SYNE1: variants seen among roughly 807,000 people sequenced by gnomAD.
SYNE1 encodes nesprin-1.
A neutral mutation model predicts 1,111.0 loss-of-function variants in SYNE1; 616 were observed. The ratio of observed to expected loss-of-function variants is 0.55; its 90% CI spans 0.52 to 0.59. SYNE1 has a LOEUF of 0.59. Among genes scored for constraint, SYNE1 ranks in the 20% least tolerant of loss-of-function variants. SYNE1 has a pLI of 0.00. For missense variants in SYNE1, 10,006 were observed against 10,417.0 expected (o/e 0.96, Z 1.72); for synonymous variants, 3,855 against 3,825.8 (o/e 1.01, Z -0.28).
intron 100 of SYNE1, among the ~76,000 whole-genome samples, chr6:152,266,539 CAACA>C (rs1375454883): frequency 3.3e-5 from 5 of 152,200 alleles, no homozygotes; most frequent in African/African-American, 9.6e-5. Context: ...GCATGATACA[CAACA>C]GACAGTTTTT....
intron 3 of SYNE1, among the ~76,000 whole-genome samples, chr6:152,591,908 GTA>G (rs2099568094): frequency 6.6e-6 from 1 of 152,100 alleles, no homozygotes; most frequent in African/African-American, 2.4e-5. Context: ...TAGCCAACAA[GTA>G]TATAAGAAAT....
intron 115 of SYNE1, among the ~76,000 whole-genome samples, chr6:152,228,488 A>C (rs1204988551): frequency 6.6e-6 from 1 of 152,242 alleles, no homozygotes; most frequent in Non-Finnish European, 1.5e-5. Flanking sequence ...AAGAAACAAA[A>C]TGGAAAATGG....
In SYNE1 at chr6:152,232,127, G is replaced by T; in HGVS notation, c.20851C>A (p.Gln6951Lys). The T allele has an allele frequency of 6.4e-7, 1 of 1,572,228 alleles. No individual in the cohort carries two copies. The highest frequency in any genetic ancestry group is 8.8e-7 in the Non-Finnish European group (1 of 1,142,806). The change falls in exon 113 of 146, where the codon CAG (glutamine) becomes AAG (lysine). Residue 6951 changes from glutamine to lysine, a missense_variant. By Grantham distance (53) the Gln-to-Lys change is moderately conservative. Transcript: ENST00000367255. ...AAAATTTTAATTACCTTATATTTCT[G>T]AAGGTATTCATGAATTGCCTTGTAA... ...IGYKAIHEYL[Q>K]KYKGFKIDIN...
chr6:152,297,931 G>A (rs528419584), intron 93 of SYNE1, among the ~76,000 whole-genome samples: 117 of 151,802 alleles, frequency 7.7e-4, no homozygotes, highest in African/African-American at 2.8e-3. Context: ...ATTTATTTGA[G>A]GTACATACAT....
chr6:152,195,810 C>T (rs191064047), intron 127 of SYNE1, among the ~76,000 whole-genome samples: 15 of 134,230 alleles, frequency 1.1e-4, no homozygotes, highest in African/African-American at 4.2e-4. Context: ...GTAACCACTA[C>T]TTGGCTACTC....
chr6:152,335,701 T>C (rs1004463143), intron 76 of SYNE1: 43 of 152,170 alleles, frequency 2.8e-4, no homozygotes, highest in African/African-American at 1.0e-3. Context: ...TTTTTTCCCT[T>C]TTTTTTGAGA....
rs1311788646 is a variant in SYNE1 at position 152,149,602 on chromosome 6, G to T, written c.24517C>A (p.Leu8173Met). 1.9e-6 allele frequency: 3 copies of T among 1,613,942 alleles called. No individual in the cohort carries two copies. The highest frequency in any genetic ancestry group is 1.7e-6 in the Non-Finnish European group (2 of 1,180,030). Residue 8173 changes from leucine to methionine, a missense_variant, in exon 136 of 146, where the codon CTG (leucine) becomes ATG (methionine). Physicochemically the swap from Leu to Met is conservative, Grantham distance 15. Transcript: ENST00000367255. ...TCCAAGGGCTCACTCTTTTCTATCA[G>T]CTGTTCTCCTTGGGCAATTATCTGC... ...IEQIIAQGEQ[L>M]IEKSEPLDAA...
At chr6:152,453,109 A>G (rs951886794) in intron 25 of SYNE1, among the ~76,000 whole-genome samples, 1 of 152,198 alleles carries the variant, frequency 6.6e-6, no homozygotes, top group East Asian at 1.9e-4. Context: ...CTTGGGGGGA[A>G]GAGGGGTATG....
intron 38 of SYNE1, among the ~76,000 whole-genome samples, chr6:152,425,941 G>A (rs540055524): frequency 5.3e-5 from 8 of 152,278 alleles, no homozygotes; most frequent in South Asian, 2.1e-4. Flanking sequence ...AACTATTGCC[G>A]GAGAGACTCA....
intron 78 of SYNE1, among the ~76,000 whole-genome samples, chr6:152,328,557 C>A (rs9371249): frequency 0.11 from 16,695 of 151,380 alleles, 1,400 homozygotes; most frequent in East Asian, 0.51. Flanking sequence ...AGGTATGCAC[C>A]ACCAAACCCA....
chr6:152,352,549 C>A (rs1003882688), intron 69 of SYNE1, among the ~76,000 whole-genome samples, 196 bp from the exon 70 acceptor site: 1 of 151,944 alleles, frequency 6.6e-6, no homozygotes, highest in South Asian at 2.1e-4. Flanking sequence ...ACTACAGGTG[C>A]GTGCCACCAT....
At position 152,234,795 on chromosome 6, in the gene SYNE1, T is replaced by A; in HGVS notation, c.20402A>T (p.Gln6801Leu). 6.2e-7 allele frequency: 1 copy of A among 1,614,124 alleles called. No homozygotes were observed. ...GTGAATTAGATCTGCAGATTCACTTTGATATCTGTTAAGTATATTATGGAG... is the reference window on the plus strand; with the variant it reads ...GTGAATTAGATCTGCAGATTCACTTAGATATCTGTTAAGTATATTATGGAG... ...ETILKHWTRY[Q>L]SESADLIHWL... Residue 6801 changes from glutamine to leucine, a missense_variant, in exon 111 of 146, where the codon CAA becomes CTA. Gln to Leu is a moderately radical substitution (Grantham distance 113). Transcript: ENST00000367255.
intron 39 of SYNE1, among the ~76,000 whole-genome samples, chr6:152,423,626 GAACAGGGCATTCCCTGTCCTTA>G (rs2154192414): frequency 6.6e-6 from 1 of 152,256 alleles, no homozygotes; most frequent in East Asian, 1.9e-4. Flanking sequence ...GATTTCAAGT[GAACAGGGCATTCCCTGTCCTTA>G]AACACTAGGT....
At chr6:152,305,558 C>G (rs565435207) in intron 91 of SYNE1, among the ~76,000 whole-genome samples, 4 of 152,124 alleles carry the variant, frequency 2.6e-5, no homozygotes, top group South Asian at 4.2e-4. Flanking sequence ...GCCACCACAC[C>G]TGGCCGAAAA....
intron 3 of SYNE1, among the ~76,000 whole-genome samples, chr6:152,560,146 A>G (rs1188514775): frequency 6.6e-6 from 1 of 152,178 alleles, no homozygotes; most frequent in East Asian, 1.9e-4. Context: ...TGAGGTCAGG[A>G]GTTCAAGACC....
chr6:152,377,859 G>A (rs1195485460), intron 56 of SYNE1, among the ~76,000 whole-genome samples: 1 of 151,576 alleles, frequency 6.6e-6, no homozygotes, highest in East Asian at 1.9e-4. Flanking sequence ...TGGATTCTGG[G>A]ACCCAAGTCC....
At chr6:152,465,903 T>A (rs2098763327) in intron 17 of SYNE1, 79 bp downstream of exon 17, 1 of 1,041,356 alleles carries the variant, frequency 9.6e-7, no homozygotes, top group African/African-American at 1.6e-5. Context: ...ACAGAAAGAA[T>A]GATCTGATCA....
At chr6:152,375,437 T>C (rs1223996306) in intron 58 of SYNE1, among the ~76,000 whole-genome samples, 1 of 152,172 alleles carries the variant, frequency 6.6e-6, no homozygotes, top group African/African-American at 2.4e-5. Flanking sequence ...GAAACTCAAA[T>C]TTCATAACCA....
intron 11 of SYNE1, among the ~76,000 whole-genome samples, chr6:152,496,889 A>T (rs992547253): frequency 6.6e-6 from 1 of 152,004 alleles, no homozygotes; most frequent in Non-Finnish European, 1.5e-5. Context: ...CCTGCCCCAC[A>T]CTAACTGGTC....
Sources: allele counts gnomAD v4.1 joint callset (sites outside exome capture counted in the v4.1 genomes callset), GRCh38; gene constraint gnomAD v4.1.1; transcripts MANE v1.5; gene names NCBI Gene and HGNC (gene_info 2026-07-23, HGNC 2026-07-21).